PTPRQ: variants seen among roughly 807,000 people sequenced by gnomAD.
PTPRQ encodes the protein protein tyrosine phosphatase receptor type Q, also known as phosphatidylinositol phosphatase PTPRQ.
PTPRQ carries 199 observed loss-of-function variants against 246.0 expected under a neutral mutation model. The ratio of observed to expected loss-of-function variants is 0.81; its 90% CI spans 0.72 to 0.91. The LOEUF (loss-of-function observed/expected upper bound fraction) is 0.91. PTPRQ is among the 40% of genes least tolerant of loss of function. The pLI, the probability that PTPRQ is intolerant of heterozygous loss-of-function variation, is 0.00. For synonymous variants in PTPRQ, 869 were observed against 853.2 expected, an observed-to-expected ratio of 1.02 and a Z score of -0.32; for missense variants, 2,624 against 2,528.4, an observed-to-expected ratio of 1.04 and a Z score of -0.81.
At chr12:80,546,036 C>T (rs12319631) in intron 23 of PTPRQ, among the ~76,000 whole-genome samples, 9,164 of 151,926 alleles carry the variant, frequency 0.06, 699 homozygotes, top group African/African-American at 0.17. Context: ...GGCAATTATA[C>T]GCCAGGTGCA....
At chr12:80,537,390 G>A (rs1437958433) in intron 19 of PTPRQ, among the ~76,000 whole-genome samples, 2 of 152,062 alleles carry the variant, frequency 1.3e-5, no homozygotes, top group South Asian at 2.1e-4. Flanking sequence ...GGCATATCAT[G>A]TTCTGCCTCC....
intron 30 of PTPRQ, among the ~76,000 whole-genome samples, chr12:80,617,221 A>G (rs1434948555): frequency 2.0e-5 from 3 of 151,200 alleles, no homozygotes; most frequent in Non-Finnish European, 4.4e-5. Context: ...ACTGGTTCCT[A>G]TCTCAAAGTT....
rs1219354789 is a variant in PTPRQ, at chr12:80,506,153, A to G, written c.2402A>G (p.Asn801Ser). ...TATACAATTTATCTCAAGAGAAGTA[A>G]TGGAAATGAGGAAAGAACTATAAAT... ...QKYTIYLKRSNGNEERTINTT... is the reference protein window; with the variant it reads ...QKYTIYLKRSSGNEERTINTT... Residue 801 changes from asparagine (N) to serine (S), a missense_variant, in exon 15 of 45, where the codon AAT (asparagine) becomes AGT (serine). Physicochemically the swap from Asn to Ser is conservative, Grantham distance 46. Coordinates refer to ENST00000644991, the MANE Select transcript of PTPRQ (RefSeq NM_001145026.2). The G allele has an allele frequency of 1.3e-6, 2 of 1,533,084 alleles. No homozygotes were observed. Among genetic ancestry groups the G allele is most frequent in the Non-Finnish European group, 1.8e-6 (2 of 1,140,390 alleles). The allele number at this position is 1,533,084 out of a possible 1,614,324, so 95.0% of individuals were successfully genotyped here. A position where few individuals can be genotyped will look rare whatever the true frequency, so the allele number is the denominator to read the frequency against.
intron 26 of PTPRQ, among the ~76,000 whole-genome samples, chr12:80,598,318 C>T (rs1481035701): frequency 2.6e-5 from 4 of 151,894 alleles, no homozygotes; most frequent in East Asian, 1.9e-4. Flanking sequence ...TTTTGGTCAG[C>T]GAAATCACTG....
intron 17 of PTPRQ, among the ~76,000 whole-genome samples, chr12:80,511,192 C>T (rs1351447195): frequency 6.6e-6 from 1 of 152,034 alleles, no homozygotes; most frequent in Non-Finnish European, 1.5e-5. Context: ...GAGGGAGATG[C>T]CATGATGTTT....
chr12:80,534,629 G>A (rs941389580), intron 18 of PTPRQ, among the ~76,000 whole-genome samples: 1 of 151,912 alleles, frequency 6.6e-6, no homozygotes, highest in Non-Finnish European at 1.5e-5. Context: ...CTCATATCCA[G>A]AGCAGTGGAC....
chr12:80,652,674 G>T, intron 37 of PTPRQ, 70 bp from the exon 38 acceptor site: 1 of 1,391,050 alleles, frequency 7.2e-7, no homozygotes. Context: ...ACAAATAACT[G>T]TCTTTTAATA....
chr12:80,615,239 C>T (rs923045226), intron 29 of PTPRQ, among the ~76,000 whole-genome samples: 2 of 150,768 alleles, frequency 1.3e-5, no homozygotes, highest in Admixed American at 6.6e-5. Context: ...TTTCTCTAGG[C>T]ATTTTCAAGC....
rs576975495 is a variant in PTPRQ at position 80,467,826 on chromosome 12, G to T, written c.911-884G>T. Among the ~76,000 whole-genome samples the T allele has an allele frequency of 1.9e-3, 291 of 151,938 alleles. 4 individuals are homozygous for T. Among genetic ancestry groups the T allele is most frequent in the African/African-American group, 6.6e-3 (272 of 41,370 alleles). ...GAACAATGAGAACACATGGACACAG[G>T]AAGGGGAACATCACACTCTGGGGAC... On this transcript the variant is annotated intron_variant, in intron 6 of 44. Transcript: ENST00000644991.
chr12:80,577,508 A>G (rs757015049), intron 25 of PTPRQ, among the ~76,000 whole-genome samples: 29 of 152,170 alleles, frequency 1.9e-4, no homozygotes, highest in Non-Finnish European at 3.7e-4. Context: ...ACAATTCAAG[A>G]TGAGATTTGG....
At chr12:80,519,915 T>C (rs186505244) in intron 17 of PTPRQ, among the ~76,000 whole-genome samples, 13 of 152,224 alleles carry the variant, frequency 8.5e-5, no homozygotes, top group South Asian at 2.1e-4. Context: ...CTCTGTCTGA[T>C]GGTGAGCTAC....
At chr12:80,573,227 C>G (rs778474617) in intron 25 of PTPRQ, among the ~76,000 whole-genome samples, 1 of 152,170 alleles carries the variant, frequency 6.6e-6, no homozygotes, top group African/African-American at 2.4e-5. Context: ...CGGTGGCTCA[C>G]GCCTGTAATC....
intron 28 of PTPRQ, among the ~76,000 whole-genome samples, chr12:80,611,736 T>G (rs1898560001): frequency 6.7e-6 from 1 of 150,360 alleles, no homozygotes; most frequent in Non-Finnish European, 1.5e-5. Context: ...ACTAGGAAAT[T>G]TTTTACAACA....
chr12:80,649,807 T>C (rs1565841229), intron 37 of PTPRQ, 138 bp downstream of exon 37: 1 of 1,294,162 alleles, frequency 7.7e-7, no homozygotes, highest in Non-Finnish European at 1.0e-6. Context: ...GGTTGATTGT[T>C]TTGATAGTAA....
intron 38 of PTPRQ, among the ~76,000 whole-genome samples, chr12:80,653,163 A>G (rs1371028398): frequency 6.6e-6 from 1 of 152,158 alleles, no homozygotes; most frequent in Admixed American, 6.6e-5. Context: ...CAAAGGGAAT[A>G]TTCTCACTTA....
intron 29 of PTPRQ, among the ~76,000 whole-genome samples, chr12:80,615,290 T>C (rs1014374261): frequency 1.3e-5 from 2 of 151,062 alleles, no homozygotes; most frequent in African/African-American, 2.4e-5. Flanking sequence ...ATCTACCACA[T>C]GTATATTGTA....
chr12:80,598,170 T>C (rs558660057), intron 26 of PTPRQ, among the ~76,000 whole-genome samples: 16 of 152,112 alleles, frequency 1.1e-4, no homozygotes, highest in Non-Finnish European at 2.2e-4. Flanking sequence ...GACAAATTCT[T>C]AGGCTTACTG....
At chr12:80,656,752 C>T (rs1187216450) in intron 38 of PTPRQ, among the ~76,000 whole-genome samples, 1 of 151,638 alleles carries the variant, frequency 6.6e-6, no homozygotes, top group African/African-American at 2.4e-5. Flanking sequence ...ATAGACCTAA[C>T]TACCTAGAAA....
chr12:80,444,677 T>A, intron 1 of PTPRQ, 64 bp from the exon 2 acceptor site: 1 of 1,225,536 alleles, frequency 8.2e-7, no homozygotes, highest in Non-Finnish European at 1.2e-6. Context: ...AGTGATAGAT[T>A]TATTTTAGCT....
Sources: gnomAD v4.1 joint callset for allele counts (sites outside exome capture counted in the v4.1 genomes callset) on GRCh38, gnomAD v4.1.1 for gene constraint, MANE v1.5 for transcripts, NCBI Gene and HGNC (gene_info 2026-07-23, HGNC 2026-07-21) for gene names.